Variants in UGT2A1 observed in about 807,000 individuals in gnomAD.
The protein encoded by UGT2A1 is UDP-glucuronosyltransferase 2A1.
UGT2A1 carries 61 observed loss-of-function variants against 45.4 expected under a neutral mutation model. That is an observed-to-expected ratio of 1.34 (90% confidence interval 1.09 to 1.66). UGT2A1 has a LOEUF of 1.66. Ranked by LOEUF, UGT2A1 falls within the 40% of genes most tolerant of loss-of-function variation. The pLI, the probability that UGT2A1 is intolerant of heterozygous loss-of-function variation, is 0.00. For synonymous variants in UGT2A1, 229 were observed against 196.2 expected (o/e 1.17, Z -1.40); for missense variants, 649 against 574.3 (o/e 1.13, Z -1.33).
At chr4:69,627,482 A>T (rs1054815056) in intron 3 of UGT2A1, among the ~76,000 whole-genome samples, 3 of 149,860 alleles carry the variant, frequency 2.0e-5, no homozygotes, top group Non-Finnish European at 4.5e-5. Flanking sequence ...GCAGGCAGGC[A>T]GGCAGGCATG....
chr4:69,647,414 G>C lies in UGT2A1; in HGVS notation c.231C>G (p.Pro77=). The change falls in exon 2 of 7, where the codon CCC becomes CCG. Residue 77 remains proline (P), a synonymous_variant. Coordinates refer to ENST00000286604, the MANE Select transcript of UGT2A1 (RefSeq NM_001252275.3). The part of the protein sequence containing the change: ...PSLTFEIYKV[P]FGKERIEGVI... ...CTCCTTCTATTCTTTCTTTGCCAAA[G>C]GGCACCTTATATATTTCAAATGTCA... 4 of 1,612,818 alleles carry C rather than the reference G, an allele frequency of 2.5e-6. No homozygotes were observed. Among genetic ancestry groups the C allele is most frequent in the Non-Finnish European group, 3.4e-6 (4 of 1,179,350 alleles).
chr4:69,647,356 T>C lies in UGT2A1; in HGVS notation c.289A>G (p.Asn97Asp), dbSNP rs1382371575. The change falls in exon 2 of 7, where the codon AAT (asparagine) becomes GAT (aspartate). Residue 97 changes from asparagine to aspartate, a missense_variant. By Grantham distance (23) the Asn-to-Asp change is conservative. Transcript: ENST00000286604. ...CAAATGGTTGAAGGAGATGGTCTAT[T>C]TTCCAGCCATGTCAAAACGAAGTCC... ...IKDFVLTWLE[N>D]RPSPSTIWRF... The C allele has an allele frequency of 6.2e-7, 1 of 1,613,312 alleles. No homozygotes were observed. Among genetic ancestry groups the C allele is most frequent in the Admixed American group, 1.7e-5 (1 of 59,916 alleles).
At chr4:69,627,997 G>T (rs375359031) in intron 3 of UGT2A1, among the ~76,000 whole-genome samples, 285 of 151,844 alleles carry the variant, frequency 1.9e-3, no homozygotes, top group African/African-American at 6.6e-3. Context: ...TGTCTCTTTT[G>T]CTGGCCAGAA....
chr4:69,638,211 C>T (rs1419404829), intron 2 of UGT2A1, among the ~76,000 whole-genome samples: 3 of 151,900 alleles, frequency 2.0e-5, no homozygotes, highest in South Asian at 2.1e-4. Context: ...GAGGCAAAAT[C>T]ATCAAGAGAG....
intron 3 of UGT2A1, among the ~76,000 whole-genome samples, chr4:69,627,521 G>T (rs1419756000): frequency 7.9e-6 from 1 of 126,268 alleles, no homozygotes; most frequent in Admixed American, 8.3e-5. Context: ...AAGAAAGAAA[G>T]AAGAAAGAAA....
chr4:69,619,224 A>T (rs1720595358), intron 3 of UGT2A1, among the ~76,000 whole-genome samples: 2 of 151,730 alleles, frequency 1.3e-5, no homozygotes, highest in Admixed American at 1.3e-4. Flanking sequence ...ACAGGGAGAC[A>T]TATCTCTATA....
chr4:69,602,772 TCA>T (rs1490174986), intron 3 of UGT2A1, among the ~76,000 whole-genome samples: 2 of 137,476 alleles, frequency 1.5e-5, no homozygotes, highest in African/African-American at 5.9e-5. Flanking sequence ...GCTAACTTGT[TCA>T]CAGATAAGAA....
intron 3 of UGT2A1, among the ~76,000 whole-genome samples, chr4:69,632,551 G>A (rs1161825724): frequency 6.6e-6 from 1 of 151,994 alleles, no homozygotes; most frequent in Admixed American, 6.6e-5. Flanking sequence ...TCTTATGCAC[G>A]ACAATAGTAA....
At chr4:69,644,760 AG>A in intron 2 of UGT2A1, among the ~76,000 whole-genome samples, 1 of 151,904 alleles carries the variant, frequency 6.6e-6, no homozygotes, top group South Asian at 2.1e-4. Context: ...ACATACCCAG[AG>A]GAGGTGATGA....
intron 3 of UGT2A1, among the ~76,000 whole-genome samples, chr4:69,612,473 C>T (rs185123557): frequency 3.3e-5 from 5 of 152,064 alleles, no homozygotes; most frequent in African/African-American, 9.6e-5. Flanking sequence ...CACCATACTA[C>T]CCAACTTCAA....
intron 3 of UGT2A1, among the ~76,000 whole-genome samples, chr4:69,623,561 TAC>T (rs1398046983): frequency 5.3e-5 from 8 of 151,224 alleles, no homozygotes; most frequent in African/African-American, 1.9e-4. Context: ...AATAATATTT[TAC>T]ATTATTTAAT....
intron 3 of UGT2A1, among the ~76,000 whole-genome samples, chr4:69,612,958 G>T (rs1720156616): frequency 6.8e-6 from 1 of 147,170 alleles, no homozygotes; most frequent in Non-Finnish European, 1.5e-5. Context: ...CATAATGGGA[G>T]AAAATATTTA....
intron 3 of UGT2A1, among the ~76,000 whole-genome samples, chr4:69,605,374 G>A (rs1262227183): frequency 7.3e-6 from 1 of 136,630 alleles, no homozygotes; most frequent in Non-Finnish European, 1.6e-5. Context: ...TGAAACTAAC[G>A]ACAACAAAGA....
rs566599434 is a variant in UGT2A1 at position 69,608,069 on chromosome 4, C to G, written c.848-8675G>C. Among the ~76,000 whole-genome samples the G allele has an allele frequency of 7.3e-3, 1,114 of 152,158 alleles. 10 individuals are homozygous for G. Among genetic ancestry groups the G allele is most frequent in the Non-Finnish European group, 0.013 (874 of 67,988 alleles). On this transcript the variant is annotated intron_variant, in intron 3 of 6. Transcript: ENST00000286604. ...ATTTGATCCAGCCATCCCATTACTGCGTATATACCCAAAGGATCATAAATC... is the reference window on the plus strand; with the variant it reads ...ATTTGATCCAGCCATCCCATTACTGGGTATATACCCAAAGGATCATAAATC...
chr4:69,631,722 AC>A (rs1167185608), intron 3 of UGT2A1, among the ~76,000 whole-genome samples: 2 of 152,150 alleles, frequency 1.3e-5, no homozygotes, highest in Non-Finnish European at 2.9e-5. Context: ...AAAGAGAACA[AC>A]TGTAGCCACT....
intron 3 of UGT2A1, among the ~76,000 whole-genome samples, chr4:69,613,830 C>T (rs1486659978): frequency 6.6e-6 from 1 of 151,900 alleles, no homozygotes; most frequent in Non-Finnish European, 1.5e-5. Context: ...CATAGCTCAA[C>T]ATTATAAAAG....
At chr4:69,629,473 T>C (rs1056626470) in intron 3 of UGT2A1, among the ~76,000 whole-genome samples, 2 of 152,060 alleles carry the variant, frequency 1.3e-5, no homozygotes, top group African/African-American at 4.8e-5. Context: ...TTTGACTAGA[T>C]AGTTTATGTT....
At chr4:69,616,246 G>C (rs909314418) in intron 3 of UGT2A1, among the ~76,000 whole-genome samples, 9 of 151,898 alleles carry the variant, frequency 5.9e-5, no homozygotes, top group Admixed American at 1.3e-4. Flanking sequence ...TTGGGGGGTG[G>C]GGAGGGTATA....
At chr4:69,620,246 C>G (rs1720665588) in intron 3 of UGT2A1, among the ~76,000 whole-genome samples, 1 of 151,834 alleles carries the variant, frequency 6.6e-6, no homozygotes, top group South Asian at 2.1e-4. Context: ...ATAGTCTCAG[C>G]CCCAAAGCTG....
Sources: allele counts gnomAD v4.1 joint callset (sites outside exome capture counted in the v4.1 genomes callset), GRCh38; gene constraint gnomAD v4.1.1; transcripts MANE v1.5; gene names NCBI Gene and HGNC (gene_info 2026-07-23, HGNC 2026-07-21).